Variants in CAMK4 observed in about 807,000 individuals in gnomAD.
CAMK4 encodes the protein calcium/calmodulin-dependent protein kinase type IV.
Under a neutral mutation model 44.9 loss-of-function variants are expected in CAMK4, and 22 were observed. The observed-to-expected ratio is 0.49, with a 90% CI of 0.35 to 0.70. The LOEUF (loss-of-function observed/expected upper bound fraction) is 0.70. CAMK4 is among the 30% of genes least tolerant of loss of function. The pLI is 0.01. For synonymous variants in CAMK4, 218 were observed against 215.4 expected, an observed-to-expected ratio of 1.01 and a Z score of -0.11; for missense variants, 498 against 586.8, an observed-to-expected ratio of 0.85 and a Z score of 1.56.
intron 7 of CAMK4, among the ~76,000 whole-genome samples, chr5:111,450,078 G>A (rs1754172264): frequency 6.6e-6 from 1 of 152,024 alleles, no homozygotes; most frequent in South Asian, 2.1e-4. Context: ...CAGCACTTTG[G>A]GAGGCCAAGG....
At chr5:111,357,879 T>G (rs1750433711) in intron 2 of CAMK4, 1 of 152,066 alleles carries the variant, frequency 6.6e-6, no homozygotes, top group Admixed American at 6.6e-5. Flanking sequence ...ATGAGAGTCT[T>G]AGAGAAGTGT....
chr5:111,294,008 A>C (rs1175844511), intron 1 of CAMK4, among the ~76,000 whole-genome samples: 1 of 151,942 alleles, frequency 6.6e-6, no homozygotes, highest in East Asian at 1.9e-4. Context: ...CGGCCTCCCA[A>C]AGTGCTGGGA....
chr5:111,368,940 AT>A (rs1419377701), intron 2 of CAMK4, among the ~76,000 whole-genome samples: 5 of 151,216 alleles, frequency 3.3e-5, no homozygotes, highest in South Asian at 2.1e-4. Context: ...TTTTACTAGA[AT>A]TTTTTTCTTC....
intron 1 of CAMK4, among the ~76,000 whole-genome samples, chr5:111,320,132 A>G (rs1043720649): frequency 1.3e-5 from 2 of 152,202 alleles, no homozygotes; most frequent in Non-Finnish European, 2.9e-5. Context: ...AAAGAGAAGC[A>G]TGCTCAACTC....
intron 2 of CAMK4, among the ~76,000 whole-genome samples, chr5:111,348,968 T>C (rs190199921): frequency 6.6e-6 from 1 of 152,172 alleles, no homozygotes; most frequent in East Asian, 1.9e-4. Context: ...TTTTATTGTA[T>C]TGAAAAAACC....
chr5:111,382,449 C>T (rs766000166), intron 4 of CAMK4, among the ~76,000 whole-genome samples: 1 of 152,040 alleles, frequency 6.6e-6, no homozygotes, highest in Non-Finnish European at 1.5e-5. Flanking sequence ...TTTGTGAAGA[C>T]CTTTGTATCA....
chr5:111,400,803 G>C (rs1752195012), intron 5 of CAMK4, among the ~76,000 whole-genome samples: 1 of 152,118 alleles, frequency 6.6e-6, no homozygotes, highest in South Asian at 2.1e-4. Flanking sequence ...AAATGGTCTA[G>C]GTCAGTCTGG....
At chr5:111,446,814 CAG>C in intron 6 of CAMK4, 38 bp downstream of exon 6, 1 of 1,284,540 alleles carries the variant, frequency 7.8e-7, no homozygotes, top group Non-Finnish European at 1.1e-6. Flanking sequence ...CCCCTTTTTT[CAG>C]AGCAGAAAAA....
chr5:111,488,410 G>T lies in CAMK4; in HGVS notation c.*3944G>T, dbSNP rs751958964. The T allele has an allele frequency of 2.0e-5, 3 of 152,098 alleles. No individual in the cohort carries two copies. Among genetic ancestry groups the T allele is most frequent in the East Asian group, 1.9e-4 (1 of 5,190 alleles). The allele number at this position is 152,098 out of a possible 1,614,324, so 9.4% of individuals were successfully genotyped here. On this transcript the variant is annotated 3_prime_UTR_variant, in exon 11 of 11. Transcript: ENST00000282356. ...TACTGATTTTAGAATAATCCTCAAGGTTCTATAGTCATTTTTAGTGGAAGA... is the reference window on the plus strand; with the variant it reads ...TACTGATTTTAGAATAATCCTCAAGTTTCTATAGTCATTTTTAGTGGAAGA...
intron 4 of CAMK4, among the ~76,000 whole-genome samples, chr5:111,386,054 T>C (rs570841273): frequency 6.6e-6 from 1 of 152,316 alleles, no homozygotes; most frequent in African/African-American, 2.4e-5. Flanking sequence ...AGTATTTGAA[T>C]GTAACAGGTG....
At chr5:111,239,281 GTTTTA>G (rs773841042) in intron 1 of CAMK4, among the ~76,000 whole-genome samples, 40 of 152,114 alleles carry the variant, frequency 2.6e-4, no homozygotes, top group Non-Finnish European at 5.4e-4. Flanking sequence ...TTCGAGGTCT[GTTTTA>G]CTTGTGTTTT....
chr5:111,379,010 G>A (rs966141988), intron 4 of CAMK4, among the ~76,000 whole-genome samples: 27 of 151,820 alleles, frequency 1.8e-4, no homozygotes, highest in African/African-American at 6.3e-4. Context: ...CTTTTTTATG[G>A]ATGTATTCCT....
rs144225608 is a variant in CAMK4, at chr5:111,458,384, A to G, written c.625+9181A>G. Among the ~76,000 whole-genome samples the G allele has an allele frequency of 9.2e-5, 14 of 152,338 alleles. No individual in the cohort carries two copies. In the East Asian group the frequency reaches 1.7e-3, roughly 19 times the overall value. On this transcript the variant is annotated intron_variant, in intron 7 of 10. Transcript: ENST00000282356. ...AGAAAACTGCGTCTTTGGAGTCTTTATATTGGTTTCGTACTGCCCTGAACA... is the reference window on the plus strand; with the variant it reads ...AGAAAACTGCGTCTTTGGAGTCTTTGTATTGGTTTCGTACTGCCCTGAACA...
At chr5:111,376,362 C>G (rs190189289) in intron 3 of CAMK4, among the ~76,000 whole-genome samples, 1 of 152,032 alleles carries the variant, frequency 6.6e-6, no homozygotes, top group Admixed American at 6.6e-5. Flanking sequence ...ATTCCTTCAC[C>G]CACTGACAGC....
chr5:111,394,134 T>A (rs1751910543), intron 4 of CAMK4, among the ~76,000 whole-genome samples: 3 of 152,154 alleles, frequency 2.0e-5, no homozygotes, highest in Admixed American at 2.0e-4. Context: ...ACAAGTAATT[T>A]AACATGTTTC....
chr5:111,235,100 A>C (rs78009289), intron 1 of CAMK4, among the ~76,000 whole-genome samples: 31,568 of 151,892 alleles, frequency 0.21, 3,738 homozygotes, highest in Non-Finnish European at 0.28. Flanking sequence ...AGAATGTTGC[A>C]CTGTTAGTTT....
intron 1 of CAMK4, chr5:111,302,632 T>C (rs1474289617): frequency 4.3e-5 from 1 of 23,168 alleles, no homozygotes; most frequent in Non-Finnish European, 7.6e-5. Flanking sequence ...CACAGCAGTC[T>C]GAGATCAAAC....
intron 5 of CAMK4, among the ~76,000 whole-genome samples, chr5:111,407,847 TG>T (rs1371250302): frequency 1.3e-5 from 2 of 152,152 alleles, no homozygotes; most frequent in African/African-American, 4.8e-5. Flanking sequence ...ATGACTAGGC[TG>T]GGCATGGTGG....
intron 5 of CAMK4, among the ~76,000 whole-genome samples, chr5:111,443,273 T>TAC (rs1753897339): frequency 3.9e-5 from 2 of 50,854 alleles, no homozygotes; most frequent in African/African-American, 1.9e-4. Context: ...TATATATATA[T>TAC]ATATATACAC....
Sources: allele counts gnomAD v4.1 joint callset (sites outside exome capture counted in the v4.1 genomes callset), GRCh38; gene constraint gnomAD v4.1.1; transcripts MANE v1.5; gene names NCBI Gene and HGNC (gene_info 2026-07-23, HGNC 2026-07-21).